NR2C2: variants seen among roughly 807,000 people sequenced by gnomAD.
The protein encoded by NR2C2 is nuclear receptor subfamily 2 group C member 2, also known as Nuclear hormone receptor TR4.
NR2C2 carries 6 observed loss-of-function variants against 62.9 expected under a neutral mutation model. The ratio of observed to expected loss-of-function variants is 0.10; its 90% confidence interval spans 0.05 to 0.19. The LOEUF is 0.19. Ranked by LOEUF, NR2C2 falls within the 10% of genes least tolerant of loss-of-function variation. The pLI is 1.00. For synonymous variants in NR2C2, 272 were observed against 273.8 expected, an observed-to-expected ratio of 0.99 and a Z score of 0.07; for missense variants, 479 against 762.7, an observed-to-expected ratio of 0.63 and a Z score of 4.38.
At chr3:14,986,879 T>C (rs1463653336) in intron 1 of NR2C2, among the ~76,000 whole-genome samples, 1 of 152,212 alleles carries the variant, frequency 6.6e-6, no homozygotes, top group East Asian at 1.9e-4. Context: ...CTAAGTGTAG[T>C]GTGTTTCCAT....
chr3:14,974,564 A>G (rs73145258), intron 1 of NR2C2, among the ~76,000 whole-genome samples: 2,073 of 147,158 alleles, frequency 0.014, 52 homozygotes, highest in African/African-American at 0.049. Flanking sequence ...ATTTCTTTCC[A>G]TGGTGTTTTA....
At chr3:14,983,840 T>G (rs896623545) in intron 1 of NR2C2, among the ~76,000 whole-genome samples, 2 of 152,144 alleles carry the variant, frequency 1.3e-5, no homozygotes, top group South Asian at 2.1e-4. Flanking sequence ...TTTTCAAATT[T>G]ATTGGCATCT....
intron 1 of NR2C2, among the ~76,000 whole-genome samples, chr3:14,979,646 C>T (rs1445446053): frequency 1.3e-5 from 2 of 151,634 alleles, no homozygotes; most frequent in Non-Finnish European, 2.9e-5. Flanking sequence ...TTGGGGGTTA[C>T]AGAGGTGGGG....
chr3:15,002,316 G>T (rs1040079424), intron 1 of NR2C2, among the ~76,000 whole-genome samples: 2 of 151,688 alleles, frequency 1.3e-5, no homozygotes, highest in African/African-American at 2.4e-5. Flanking sequence ...ATGCTTTTTC[G>T]CCATCAATTG....
Position 15,038,049 on chromosome 3 carries a change from G to C in NR2C2, c.1422G>C (p.Lys474Asn), listed in dbSNP as rs1288747314. 14 of 1,614,158 alleles carry C rather than the reference G, an allele frequency of 8.7e-6. No homozygotes were observed. The highest frequency in any genetic ancestry group is 1.2e-5 in the Non-Finnish European group (14 of 1,180,014). ...RIKQVMEHIWKLQEFCNSMAK... is the reference protein window; with the variant it reads ...RIKQVMEHIWNLQEFCNSMAK... Reference sequence around the variant, plus strand: ...AGCAAGTCATGGAGCACATCTGGAAGCTGCAGGAGTTCTGTAACAGCATGG... The same window carrying C: ...AGCAAGTCATGGAGCACATCTGGAACCTGCAGGAGTTCTGTAACAGCATGG... The change falls in exon 12 of 14, where the codon AAG becomes AAC. Residue 474 changes from lysine (K) to asparagine (N), a missense_variant. Coordinates refer to ENST00000425241, the MANE Select transcript of NR2C2 (RefSeq NM_001291694.2).
intron 10 of NR2C2, among the ~76,000 whole-genome samples, chr3:15,033,316 C>T (rs1478841862): frequency 2.0e-5 from 3 of 152,186 alleles, no homozygotes; most frequent in Non-Finnish European, 4.4e-5. Flanking sequence ...GTCACTTTAC[C>T]TCTCTGAGCC....
rs1559528198 is a variant in NR2C2 at position 14,959,877 on chromosome 3, G to GA, written c.-40+11976dup. Among the ~76,000 whole-genome samples, 5 of 152,266 alleles carry GA rather than the reference G, an allele frequency of 3.3e-5. 1 individual carries two copies. The South Asian group carries it at 1.0e-3, about 32-fold the overall frequency. On this transcript the variant is annotated intron_variant, in intron 1 of 13. Coordinates refer to ENST00000425241, the MANE Select transcript of NR2C2 (RefSeq NM_001291694.2). ...CCTACAGTTATATCCACATATATAG[G>GA]AAAAACAGATATGGCAGAGATGGCA...
In NR2C2 at chr3:15,030,373, A is replaced by G. The variant is rs1433394339; in HGVS notation, c.1031A>G (p.His344Arg). The G allele has an allele frequency of 5.6e-6, 9 of 1,613,646 alleles. No individual in the cohort carries two copies. Among genetic ancestry groups the G allele is most frequent in the Non-Finnish European group, 7.6e-6 (9 of 1,179,884 alleles). The change falls in exon 9 of 14, where the codon CAC (histidine) becomes CGC (arginine). Residue 344 changes from histidine to arginine, a missense_variant. His to Arg is a conservative substitution (Grantham distance 29). This residue lies in a region of NR2C2 where 151 missense variants were observed against 176.1 expected (regional missense o/e 0.86). Transcript: ENST00000425241. The part of the protein sequence containing the change: ...GIDTSGGGSI[H>R]VISRDQSTPI... The stretch of plus-strand genomic sequence containing the variant: ...GACACCAGTGGAGGAGGGAGCATCC[A>G]CGTCATCAGCAGAGACCAGTCGACA...
rs545203904 is a variant in NR2C2, at chr3:14,980,994, G to T, written c.-39-22882G>T. Among the ~76,000 whole-genome samples the T allele has an allele frequency of 3.3e-5, 5 of 152,332 alleles. 1 individual carries two copies. In the South Asian group the frequency reaches 1.0e-3, roughly 32 times the overall value. On this transcript the variant is annotated intron_variant, in intron 1 of 13. Transcript: ENST00000425241. The stretch of plus-strand genomic sequence containing the variant: ...ATTAAGGAATTGGGAGCTATCACCT[G>T]TGAATCAGACTGATTTCTACTGTTA...
In NR2C2 at chr3:15,004,064, C is replaced by G. The variant is rs574016491; in HGVS notation, c.72+78C>G. ...AAAACAAACCTTCCTAAGGGTTTCA[C>G]TAAAGAGTTGTGCCTTTTGGGCATG... On this transcript the variant is annotated intron_variant, in intron 2 of 13. Transcript: ENST00000425241. The G allele has an allele frequency of 6.5e-6, 8 of 1,222,592 alleles. No homozygotes were observed. In the South Asian group the frequency reaches 1.2e-4, roughly 18 times the overall value. 75.7% of individuals were successfully genotyped at this position (1,222,592 alleles called of 1,614,324 possible).
intron 4 of NR2C2, among the ~76,000 whole-genome samples, chr3:15,016,883 G>T (rs1271884471): frequency 6.6e-6 from 1 of 152,230 alleles, no homozygotes; most frequent in Non-Finnish European, 1.5e-5. Flanking sequence ...ATTGGGTAAA[G>T]TGAGACTGAA....
intron 1 of NR2C2, among the ~76,000 whole-genome samples, chr3:14,986,297 T>C (rs1021460102): frequency 3.9e-5 from 6 of 152,128 alleles, no homozygotes; most frequent in African/African-American, 1.4e-4. Context: ...CTACCAAAGA[T>C]GATATGACAA....
chr3:15,004,543 G>A, intron 2 of NR2C2: 1 of 1,605,424 alleles, frequency 6.2e-7, no homozygotes, highest in Non-Finnish European at 8.5e-7. Flanking sequence ...CTTATGGGAA[G>A]TTGTCTTCCC....
At chr3:14,955,741 C>T (rs2039505811) in intron 1 of NR2C2, among the ~76,000 whole-genome samples, 1 of 152,238 alleles carries the variant, frequency 6.6e-6, no homozygotes, top group East Asian at 1.9e-4. Context: ...ATCCATCTAC[C>T]CTGGCTCTTA....
Position 15,024,116 on chromosome 3 carries a change from C to G in NR2C2, c.706C>G (p.Gln236Glu). The part of the protein sequence containing the change: ...TFVADKDGAR[Q>E]TGLLDPGMLV... ...TGAGTTTCTTTATGTCTTAAATAGA[C>G]AAACAGGTCTTCTTGATCCAGGGAT... The change falls in exon 7 of 14, where the codon CAA (glutamine) becomes GAA (glutamate). Residue 236 changes from glutamine to glutamate, a missense_variant and splice_region_variant. Physicochemically the swap from Gln to Glu is conservative, Grantham distance 29 (BLOSUM62 2). Transcript: ENST00000425241. The G allele has an allele frequency of 9.3e-6, 15 of 1,610,490 alleles. No individual in the cohort carries two copies. Among genetic ancestry groups the G allele is most frequent in the Non-Finnish European group, 1.3e-5 (15 of 1,177,310 alleles).
intron 1 of NR2C2, among the ~76,000 whole-genome samples, chr3:14,996,924 C>T (rs548715357): frequency 6.6e-6 from 1 of 152,310 alleles, no homozygotes; most frequent in East Asian, 1.9e-4. Flanking sequence ...TGTCAGATTC[C>T]ATAGCCTGTG....
chr3:15,034,423 A>G lies in NR2C2; in HGVS notation c.1233-247A>G, dbSNP rs554094807. Reference sequence around the variant, plus strand: ...TGATGGTTTGGCCATACCTATTAACATTTTTTTATTATTTAAAGAATGTTT... The same window carrying G: ...TGATGGTTTGGCCATACCTATTAACGTTTTTTTATTATTTAAAGAATGTTT... On this transcript the variant is annotated intron_variant, in intron 10 of 13. Transcript: ENST00000425241. The G allele has an allele frequency of 4.3e-4, 186 of 431,650 alleles. 2 individuals are homozygous for G. The South Asian group carries it at 6.6e-3, about 15-fold the overall frequency. 26.7% of individuals were successfully genotyped at this position (431,650 alleles called of 1,614,324 possible).
At chr3:15,020,402 G>GT (rs965371619) in intron 4 of NR2C2, among the ~76,000 whole-genome samples, 1 of 152,238 alleles carries the variant, frequency 6.6e-6, no homozygotes. Context: ...TAGGACCCAG[G>GT]TGTGTTCAAG....
intron 11 of NR2C2, among the ~76,000 whole-genome samples, chr3:15,035,989 C>G (rs746067043): frequency 3.3e-5 from 5 of 152,146 alleles, no homozygotes; most frequent in Non-Finnish European, 7.3e-5. Flanking sequence ...GATCACGCCA[C>G]TGCACTGCAG....
Sources: allele counts gnomAD v4.1 joint callset (sites outside exome capture counted in the v4.1 genomes callset), GRCh38; gene constraint gnomAD v4.1.1; regional missense constraint gnomAD v4.1.1; transcripts MANE v1.5; gene names NCBI Gene and HGNC (gene_info 2026-07-23, HGNC 2026-07-21).